The following ATP10A variants were observed in gnomAD, a reference collection of about 807,000 sequenced individuals.
The protein encoded by ATP10A is phospholipid-transporting ATPase VA.
ATP10A carries 111 observed loss-of-function variants against 147.8 expected under a neutral mutation model. The ratio of observed to expected loss-of-function variants is 0.75; its 90% confidence interval spans 0.64 to 0.88. ATP10A has a LOEUF of 0.88. Ranked by LOEUF, ATP10A falls within the 40% of genes least tolerant of loss-of-function variation. The pLI is 0.00. For missense variants in ATP10A, 1,927 were observed against 1,959.0 expected (o/e 0.98, Z 0.31); for synonymous variants, 875 against 841.6 (o/e 1.04, Z -0.69).
rs527816336 is a variant in ATP10A, at chr15:25,694,893, C to T, written c.3014G>A (p.Arg1005Gln). Residue 1005 changes from arginine to glutamine, a missense_variant, in exon 14 of 21, where the codon CGG becomes CAG. By Grantham distance (43) the Arg-to-Gln change is conservative. Transcript: ENST00000555815. Reference protein sequence around the residue: ...AKQCRSVLCCRSTPLQKSMVV... With the variant: ...AKQCRSVLCCQSTPLQKSMVV... ...CATGCTCTTCTGCAGAGGCGTCGACCGACAGCAGAGGACGGAGCGGCACTG... is the reference window on the plus strand; with the variant it reads ...CATGCTCTTCTGCAGAGGCGTCGACTGACAGCAGAGGACGGAGCGGCACTG... The T allele has an allele frequency of 1.9e-5, 31 of 1,614,116 alleles. No individual in the cohort carries two copies. Among genetic ancestry groups the T allele is most frequent in the East Asian group, 4.5e-5 (2 of 44,870 alleles).
At chr15:25,692,225 C>G (rs1021657206) in intron 14 of ATP10A, among the ~76,000 whole-genome samples, 1 of 152,110 alleles carries the variant, frequency 6.6e-6, no homozygotes, top group African/African-American at 2.4e-5. Context: ...CAGCCCAGCA[C>G]GTTGTGGAGC....
chr15:25,775,806 C>T (rs1297046323), intron 2 of ATP10A, among the ~76,000 whole-genome samples: 2 of 152,246 alleles, frequency 1.3e-5, no homozygotes, highest in Non-Finnish European at 2.9e-5. Context: ...GACGGCTCTT[C>T]CCGACACTGA....
At chr15:25,734,668 C>T (rs1260467956) in intron 3 of ATP10A, among the ~76,000 whole-genome samples, 4 of 152,128 alleles carry the variant, frequency 2.6e-5, no homozygotes, top group Non-Finnish European at 5.9e-5. Flanking sequence ...AGGTTATATG[C>T]TTACATTTTG....
chr15:25,701,880 A>G (rs764670025), intron 13 of ATP10A, 36 bp downstream of exon 13: 10 of 1,551,158 alleles, frequency 6.4e-6, no homozygotes, highest in Middle Eastern at 1.9e-4. Context: ...GGACCACCCC[A>G]GGGGAAGGAA....
chr15:25,847,812 T>C (rs529087820), intron 1 of ATP10A, among the ~76,000 whole-genome samples: 213 of 151,820 alleles, frequency 1.4e-3, no homozygotes, highest in Non-Finnish European at 2.4e-3. Context: ...TCGTATTTTT[T>C]GTAGGGATGA....
At chr15:25,737,662 T>C (rs931923517) in intron 2 of ATP10A, among the ~76,000 whole-genome samples, 4 of 152,150 alleles carry the variant, frequency 2.6e-5, no homozygotes, top group African/African-American at 9.7e-5. Flanking sequence ...TGGCATGGGC[T>C]GAACTGGAGC....
intron 13 of ATP10A, among the ~76,000 whole-genome samples, chr15:25,698,235 A>G (rs1213676540): frequency 6.6e-6 from 1 of 152,246 alleles, no homozygotes; most frequent in Non-Finnish European, 1.5e-5. Context: ...TATGGCATAC[A>G]TGAGAAATAA....
At chr15:25,839,257 T>C (rs892256298) in intron 1 of ATP10A, among the ~76,000 whole-genome samples, 1 of 152,200 alleles carries the variant, frequency 6.6e-6, no homozygotes. Flanking sequence ...ATTATCCAAA[T>C]TGCTCATAAC....
intron 6 of ATP10A, among the ~76,000 whole-genome samples, chr15:25,722,993 G>A (rs4906754): frequency 0.88 from 133,708 of 152,228 alleles, 59,716 homozygotes; most frequent in East Asian, 0.99. Flanking sequence ...AATCCTGGAG[G>A]AGAAAAAGCA....
chr15:25,775,613 C>A (rs935620537), intron 2 of ATP10A, among the ~76,000 whole-genome samples: 1 of 152,246 alleles, frequency 6.6e-6, no homozygotes, highest in Admixed American at 6.5e-5. Context: ...CATGTGCACA[C>A]GCCTGGGAAG....
intron 12 of ATP10A, among the ~76,000 whole-genome samples, chr15:25,706,599 G>T (rs1901036025): frequency 6.6e-6 from 1 of 152,230 alleles, no homozygotes; most frequent in Non-Finnish European, 1.5e-5. Context: ...CAGGGAAGAT[G>T]GAGAAGGGGC....
At chr15:25,717,765 T>C (rs997835068) in intron 8 of ATP10A, among the ~76,000 whole-genome samples, 2 of 152,170 alleles carry the variant, frequency 1.3e-5, no homozygotes, top group African/African-American at 4.8e-5. Flanking sequence ...TGGATGATGG[T>C]GGTCCATTAA....
At chr15:25,728,352 G>A (rs1902714094) in intron 3 of ATP10A, among the ~76,000 whole-genome samples, 1 of 151,952 alleles carries the variant, frequency 6.6e-6, no homozygotes, top group Non-Finnish European at 1.5e-5. Context: ...CAACAGCAAG[G>A]GTTCTTCGCC....
Position 25,840,950 on chromosome 15 carries a change from G to A in ATP10A, c.449+21698C>T, listed in dbSNP as rs182384822. Reference sequence around the variant, plus strand: ...ACTTGCCATCTGCATACCTTCTTCAGTGAATGTCTCATGTCTTGCCCATTT... The same window carrying A: ...ACTTGCCATCTGCATACCTTCTTCAATGAATGTCTCATGTCTTGCCCATTT... On this transcript the variant is annotated intron_variant, in intron 1 of 20. Transcript: ENST00000555815. Among the ~76,000 whole-genome samples the A allele has an allele frequency of 3.3e-5, 5 of 152,248 alleles. 1 individual carries two copies. The highest frequency in any genetic ancestry group is 3.9e-4 in the East Asian group (2 of 5,176).
At chr15:25,707,870 C>T in intron 12 of ATP10A, 106 bp downstream of exon 12, 3 of 1,490,070 alleles carry the variant, frequency 2.0e-6, no homozygotes, top group Non-Finnish European at 2.7e-6. Context: ...GGCTCCCTAA[C>T]CAAGGCCAGC....
intron 1 of ATP10A, among the ~76,000 whole-genome samples, chr15:25,848,139 T>A (rs12442754): frequency 0.012 from 1,628 of 140,826 alleles, 44 homozygotes; most frequent in Admixed American, 0.057. Flanking sequence ...TTTTTTTTTT[T>A]AATCATCTGT....
rs1189776917 is a variant in ATP10A, at chr15:25,700,546, GT to G, written c.2760+1369del. 5.3e-5 allele frequency among the ~76,000 whole-genome samples: 8 copies of G among 152,340 alleles called. No individual in the cohort carries two copies. In the East Asian group the frequency reaches 1.5e-3, roughly 29 times the overall value. On this transcript the variant is annotated intron_variant, in intron 13 of 20. Coordinates refer to ENST00000555815, the MANE Select transcript of ATP10A (RefSeq NM_024490.4). Reference sequence around the variant, plus strand: ...GCAACAGCTCAGGTGAATCTCAAAAGTGTTATGCTGAGTGACAGAAGCCAGG... The same window carrying G: ...GCAACAGCTCAGGTGAATCTCAAAAGGTTATGCTGAGTGACAGAAGCCAGG...
chr15:25,761,821 G>T (rs1888773851), intron 2 of ATP10A, among the ~76,000 whole-genome samples: 1 of 152,222 alleles, frequency 6.6e-6, no homozygotes, highest in African/African-American at 2.4e-5. Flanking sequence ...GAAGGGACTT[G>T]CTTTGTCTCA....
intron 5 of ATP10A, among the ~76,000 whole-genome samples, chr15:25,724,843 G>A (rs1033738529): frequency 6.6e-6 from 1 of 152,178 alleles, no homozygotes; most frequent in African/African-American, 2.4e-5. Context: ...TTCCATATCC[G>A]TGGATTCAAC....
Sources: allele counts gnomAD v4.1 joint callset (sites outside exome capture counted in the v4.1 genomes callset), GRCh38; gene constraint gnomAD v4.1.1; transcripts MANE v1.5; gene names NCBI Gene and HGNC (gene_info 2026-07-23, HGNC 2026-07-21).